DMD: variants seen among roughly 807,000 people sequenced by gnomAD.
The protein encoded by DMD is mutant dystrophin.
Under a neutral mutation model 330.1 loss-of-function variants are expected in DMD, and 63 were observed. That is an observed-to-expected ratio of 0.19 (90% CI 0.16 to 0.24). DMD has a LOEUF of 0.24. Ranked by LOEUF, DMD falls within the 10% of genes least tolerant of loss-of-function variation. The pLI, the probability that DMD is intolerant of heterozygous loss-of-function variation, is 1.00. For missense variants in DMD, 3,344 were observed against 2,684.1 expected (o/e 1.25, Z -5.43); for synonymous variants, 1,223 against 959.8 (o/e 1.27, Z -5.07).
At chrX:32,788,675 A>AAC (rs2075593888) in intron 7 of DMD, among the ~76,000 whole-genome samples, 1 of 111,836 alleles carries the variant, frequency 8.9e-6, no homozygotes, top group Non-Finnish European at 1.9e-5. Flanking sequence ...TAGCAAAACT[A>AAC]ACCCTGGATA....
chrX:33,009,694 A>G (rs1362732039), intron 2 of DMD, among the ~76,000 whole-genome samples: 1 of 68,909 alleles, frequency 1.5e-5, no homozygotes, highest in Non-Finnish European at 3.0e-5. Context: ...ATATGCACAT[A>G]TGTGTGTATA....
intron 74 of DMD, among the ~76,000 whole-genome samples, chrX:31,168,723 G>A: frequency 8.9e-6 from 1 of 111,760 alleles, no homozygotes; most frequent in Non-Finnish European, 1.9e-5. Context: ...GTGATCATGT[G>A]AGAAGACTTT....
chrX:32,368,962 C>G (rs188846524), intron 34 of DMD, among the ~76,000 whole-genome samples: 49 of 111,344 alleles, frequency 4.4e-4, no homozygotes, highest in African/African-American at 1.5e-3. Flanking sequence ...AGATTGTGTA[C>G]ACTCAGTTTT....
At chrX:31,132,315 A>G (rs950986021) in intron 77 of DMD, among the ~76,000 whole-genome samples, 2 of 112,466 alleles carry the variant, frequency 1.8e-5, no homozygotes. Context: ...TGTGGTATCT[A>G]GCTTTAAGGA....
chrX:31,503,094 T>C (rs1451099160), intron 56 of DMD, among the ~76,000 whole-genome samples: 1 of 112,305 alleles, frequency 8.9e-6, no homozygotes, highest in Non-Finnish European at 1.9e-5. Flanking sequence ...TGATAGCATA[T>C]ACTTTTCTTG....
chrX:32,878,630 T>C (rs1261527497), intron 2 of DMD, among the ~76,000 whole-genome samples: 1 of 111,549 alleles, frequency 9.0e-6, no homozygotes, highest in East Asian at 2.8e-4. Flanking sequence ...AATGGTTTGA[T>C]TAGATAGAAT....
chrX:32,856,943 C>T (rs868620219), intron 2 of DMD, among the ~76,000 whole-genome samples: 44 of 110,570 alleles, frequency 4.0e-4, no homozygotes, highest in African/African-American at 1.4e-3. Context: ...GGCTTGGTGG[C>T]GGGCACCTGC....
chrX:32,822,300 C>A (rs2078325063), intron 5 of DMD, among the ~76,000 whole-genome samples: 1 of 110,340 alleles, frequency 9.1e-6, no homozygotes, highest in South Asian at 3.9e-4. Flanking sequence ...TGGCCCAGAA[C>A]AGGGGTGGCA....
chrX:33,187,228 A>G (rs1222628682), intron 1 of DMD, among the ~76,000 whole-genome samples: 1 of 112,542 alleles, frequency 8.9e-6, no homozygotes, highest in African/African-American at 3.2e-5. Context: ...TCAATATTTA[A>G]TCCAGTAAGT....
chrX:31,364,095 G>C (rs1357836226), intron 60 of DMD, among the ~76,000 whole-genome samples: 1 of 112,639 alleles, frequency 8.9e-6, no homozygotes, highest in Non-Finnish European at 1.9e-5. Context: ...CTTTGCTCTG[G>C]CATTCCTTGT....
At chrX:31,154,556 A>C (rs980754721) in intron 74 of DMD, among the ~76,000 whole-genome samples, 10 of 110,610 alleles carry the variant, frequency 9.0e-5, no homozygotes, top group Admixed American at 3.8e-4. Flanking sequence ...GGCCTCCCAA[A>C]GTGCTGGGAT....
At chrX:32,918,119 T>TAAA (rs1179398047) in intron 2 of DMD, among the ~76,000 whole-genome samples, 14 of 111,455 alleles carry the variant, frequency 1.3e-4, no homozygotes, top group Non-Finnish European at 1.7e-4. Flanking sequence ...ACAAAGGTGC[T>TAAA]TATTTAGATT....
chrX:33,238,592 G>A lies in DMD; in HGVS notation c.7+100667C>T, dbSNP rs138780821. Among the ~76,000 whole-genome samples, 1,053 of 111,195 alleles carry A rather than the reference G, an allele frequency of 9.5e-3. 11 individuals are homozygous for A. The highest frequency in any genetic ancestry group is 0.032 in the African/African-American group (980 of 30,564). ...TCTAAATTCACATGATAATTGTGGGGCATTTTAGATGCTTTTTGTGATTGA... is the reference window on the plus strand; with the variant it reads ...TCTAAATTCACATGATAATTGTGGGACATTTTAGATGCTTTTTGTGATTGA... On this transcript the variant is annotated intron_variant, in intron 1 of 17. Transcript: ENST00000288447.
intron 7 of DMD, among the ~76,000 whole-genome samples, chrX:32,737,384 A>C (rs1324115463): frequency 9.0e-6 from 1 of 111,437 alleles, no homozygotes; most frequent in Non-Finnish European, 1.9e-5. Flanking sequence ...TTTTCTAATA[A>C]TTAGGTCTTA....
rs1056524643 is a variant in DMD at position 32,422,368 on chromosome X, T to C, written c.4072-10455A>G. ...AAAAGTGGGTATGTGTACACCAAAG[T>C]CCCTATATTCTTCTATCTGTGTAAT... On this transcript the variant is annotated intron_variant, in intron 29 of 78. Transcript: ENST00000357033. 4.5e-5 allele frequency among the ~76,000 whole-genome samples: 5 copies of C among 111,668 alleles called. No individual in the cohort carries two copies. The Admixed American group carries it at 4.8e-4, about 11-fold the overall frequency.
chrX:33,042,078 T>A (rs1320984201), intron 1 of DMD, among the ~76,000 whole-genome samples: 1 of 111,023 alleles, frequency 9.0e-6, no homozygotes, highest in Non-Finnish European at 1.9e-5. Flanking sequence ...ATGCCTCTCA[T>A]ACTTTAAAAT....
chrX:32,879,175 ACTG>A (rs1320817839), intron 2 of DMD, among the ~76,000 whole-genome samples: 1 of 111,093 alleles, frequency 9.0e-6, no homozygotes, highest in Non-Finnish European at 1.9e-5. Flanking sequence ...CAGAAGGAAA[ACTG>A]AAAGTCTACT....
intron 11 of DMD, among the ~76,000 whole-genome samples, chrX:32,626,319 T>TCCACCACAGGTGGGGAAACAA (rs1569335653): frequency 5.7e-5 from 6 of 104,608 alleles, no homozygotes; most frequent in African/African-American, 2.4e-4. Context: ...ATACAAAAAT[T>TCCACCACAGGTGGGGAAACAA]AGCTGGGCGT....
chrX:31,798,636 T>G (rs1198929344), intron 50 of DMD, among the ~76,000 whole-genome samples: 2 of 111,430 alleles, frequency 1.8e-5, no homozygotes, highest in African/African-American at 6.5e-5. Flanking sequence ...GGAGTCTACT[T>G]GATCTGGGCA....
Sources: gnomAD v4.1 joint callset for allele counts (sites outside exome capture counted in the v4.1 genomes callset) on GRCh38, gnomAD v4.1.1 for gene constraint, MANE v1.5 for transcripts, NCBI Gene and HGNC (gene_info 2026-07-23, HGNC 2026-07-21) for gene names.